SVIL: variants seen among roughly 807,000 people sequenced by gnomAD.
SVIL encodes the protein archvillin.
A neutral mutation model predicts 240.4 loss-of-function variants in SVIL; 101 were observed. The ratio of observed to expected loss-of-function variants is 0.42; its 90% CI spans 0.36 to 0.50. SVIL has a LOEUF of 0.50. Ranked by LOEUF, SVIL falls within the 20% of genes least tolerant of loss-of-function variation. The probability of loss-of-function intolerance (pLI) is 0.01; values close to 1 mark genes in which losing one functional copy is unlikely to be tolerated. For synonymous variants in SVIL, 999 were observed against 1,100.0 expected, an observed-to-expected ratio of 0.91 and a Z score of 1.82; for missense variants, 2,512 against 2,818.7, an observed-to-expected ratio of 0.89 and a Z score of 2.46.
At chr10:29,726,757 G>A (rs1044271254) in intron 1 of SVIL, among the ~76,000 whole-genome samples, 1 of 151,998 alleles carries the variant, frequency 6.6e-6, no homozygotes, top group South Asian at 2.1e-4. Flanking sequence ...AAAAAAAAAA[G>A]TGCTAATTAA....
In SVIL at chr10:29,463,534, C is replaced by T. The variant is rs146403956; in HGVS notation, c.6235G>A (p.Asp2079Asn). 2.5e-4 allele frequency: 410 copies of T among 1,613,936 alleles called. No homozygotes were observed. Among genetic ancestry groups the T allele is most frequent in the Non-Finnish European group, 2.9e-4 (345 of 1,180,030 alleles). ...TGSARIRWASDRKSAMETVLQ... is the reference protein window; with the variant it reads ...TGSARIRWASNRKSAMETVLQ... Reference sequence around the variant, plus strand: ...ACAGTCTCCATCGCACTCTTCCGGTCGGAGGCCCAGCGGATGCGGGCGGAA... The same window carrying T: ...ACAGTCTCCATCGCACTCTTCCGGTTGGAGGCCCAGCGGATGCGGGCGGAA... The change falls in exon 35 of 38, where the codon GAC (aspartate) becomes AAC (asparagine). Residue 2079 changes from aspartate to asparagine, a missense_variant. Coordinates refer to ENST00000355867, the MANE Select transcript of SVIL (RefSeq NM_021738.3).
At chr10:29,507,672 A>C (rs1949484912) in intron 17 of SVIL, 68 of 804,874 alleles carry the variant, frequency 8.4e-5, no homozygotes, top group Non-Finnish European at 1.0e-4. Flanking sequence ...CAAAATTAAA[A>C]CAGAAGTTCT....
At chr10:29,608,708 T>C (rs775600318) in intron 1 of SVIL, among the ~76,000 whole-genome samples, 2 of 152,190 alleles carry the variant, frequency 1.3e-5, no homozygotes, top group Non-Finnish European at 2.9e-5. Flanking sequence ...GCTGGGGGCA[T>C]TGAGGGCAGC....
intron 1 of SVIL, among the ~76,000 whole-genome samples, chr10:29,708,674 CA>C (rs1467097873): frequency 6.6e-6 from 1 of 151,942 alleles, no homozygotes; most frequent in Non-Finnish European, 1.5e-5. Flanking sequence ...TGAATATAAC[CA>C]TAAAACATGC....
intron 3 of SVIL, among the ~76,000 whole-genome samples, chr10:29,654,673 A>C (rs1958943350): frequency 6.6e-6 from 1 of 152,190 alleles, no homozygotes; most frequent in South Asian, 2.1e-4. Context: ...GGGGCTGAGA[A>C]GTCCCACAAC....
At chr10:29,728,452 A>C (rs751975034) in intron 1 of SVIL, among the ~76,000 whole-genome samples, 9 of 152,238 alleles carry the variant, frequency 5.9e-5, no homozygotes, top group Non-Finnish European at 1.3e-4. Flanking sequence ...CCTGTACATA[A>C]AAACTTTGAT....
intron 1 of SVIL, among the ~76,000 whole-genome samples, chr10:29,704,594 A>C (rs967755205): frequency 1.4e-4 from 21 of 152,134 alleles, no homozygotes; most frequent in Non-Finnish European, 2.5e-4. Context: ...AGGTCTCAAT[A>C]ATTTCTTCAC....
chr10:29,551,067 C>G lies in SVIL; in HGVS notation c.357G>C (p.Lys119Asn), dbSNP rs1564625178. ...CCTCGGGATCCAGAGTCAGCCCATA[C>G]TTCTCTGCCAGCTGTCGCCTTCTTT... ...KAERRRQLAEKYGLTLDPEAD... is the reference protein window; with the variant it reads ...KAERRRQLAENYGLTLDPEAD... The change falls in exon 6 of 38, where the codon AAG becomes AAC. Residue 119 changes from lysine (K) to asparagine (N), a missense_variant. By Grantham distance (94) the Lys-to-Asn change is moderately conservative. This residue lies in a region of SVIL where 1,443 missense variants were observed against 1,486.6 expected (regional missense o/e 0.97). Transcript: ENST00000355867. 1 of 1,614,192 alleles carries G rather than the reference C, an allele frequency of 6.2e-7. No homozygotes were observed. Among genetic ancestry groups the G allele is most frequent in the Non-Finnish European group, 8.5e-7 (1 of 1,180,036 alleles).
intron 3 of SVIL, among the ~76,000 whole-genome samples, chr10:29,558,185 T>A (rs1043036246): frequency 3.3e-5 from 5 of 152,072 alleles, no homozygotes; most frequent in African/African-American, 1.2e-4. Flanking sequence ...CTCTTTTCAG[T>A]CAAGCCTAGA....
At chr10:29,659,155 C>A (rs1959086603) in intron 2 of SVIL, among the ~76,000 whole-genome samples, 1 of 152,144 alleles carries the variant, frequency 6.6e-6, no homozygotes, top group South Asian at 2.1e-4. Context: ...GTTACAGAGT[C>A]ATTCTTTAGA....
intron 36 of SVIL, 92 bp from the exon 37 acceptor site, chr10:29,458,681 C>A: frequency 7.1e-7 from 1 of 1,405,758 alleles, no homozygotes; most frequent in South Asian, 1.4e-5. Context: ...CCTGTGCCAC[C>A]TGCATACTGC....
rs117386855 is a variant in SVIL, at chr10:29,663,663, C to T, written c.-300-5595G>A. Among the ~76,000 whole-genome samples the T allele has an allele frequency of 6.6e-3, 1,001 of 152,278 alleles. 8 individuals carry two copies. Among genetic ancestry groups the T allele is most frequent in the Middle Eastern group, 0.017 (5 of 294 alleles). ...GAGCCACCATGCCCTGGTTGAGAGA[C>T]GCCTATATTCCATATGGACTTTTCC... On this transcript the variant is annotated intron_variant, in intron 2 of 35. Coordinates refer to the SVIL transcript ENST00000375400.
intron 7 of SVIL, among the ~76,000 whole-genome samples, chr10:29,534,636 A>G (rs1951614830): frequency 6.6e-6 from 1 of 152,346 alleles, no homozygotes; most frequent in Middle Eastern, 3.4e-3. Flanking sequence ...AAACAAAGAA[A>G]CCAAGAGCTC....
chr10:29,480,819 G>C lies in SVIL; in HGVS notation c.5101-6C>G. On this transcript the variant is annotated splice_region_variant and splice_polypyrimidine_tract_variant and intron_variant, in intron 28 of 37. Coordinates refer to ENST00000355867, the MANE Select transcript of SVIL (RefSeq NM_021738.3). Reference sequence around the variant, plus strand: ...ACATCAGTCCTGGGGTCTTCCTACAGGGGAACACAAAGACATCAGTTCAGT... The same window carrying C: ...ACATCAGTCCTGGGGTCTTCCTACACGGGAACACAAAGACATCAGTTCAGT... 1 of 1,598,836 alleles carries C rather than the reference G, an allele frequency of 6.3e-7. No homozygotes were observed. Among genetic ancestry groups the C allele is most frequent in the Non-Finnish European group, 8.5e-7 (1 of 1,172,982 alleles).
At chr10:29,577,836 A>T (rs1245120843) in intron 1 of SVIL, among the ~76,000 whole-genome samples, 1 of 152,220 alleles carries the variant, frequency 6.6e-6, no homozygotes, top group Non-Finnish European at 1.5e-5. Flanking sequence ...TGTATCAAAA[A>T]ATAAAATAGT....
At chr10:29,501,900 A>G (rs372681808) in intron 17 of SVIL, among the ~76,000 whole-genome samples, 38 of 152,198 alleles carry the variant, frequency 2.5e-4, no homozygotes, top group African/African-American at 8.2e-4. Flanking sequence ...TCACTTAGTC[A>G]ACTCTGTGGT....
intron 2 of SVIL, among the ~76,000 whole-genome samples, chr10:29,564,284 G>C (rs1258522089): frequency 6.6e-6 from 1 of 152,180 alleles, no homozygotes; most frequent in African/African-American, 2.4e-5. Context: ...ACTCGTATTT[G>C]ACAAGAAGAG....
At chr10:29,593,443 C>CAG (rs1956466237) in intron 1 of SVIL, among the ~76,000 whole-genome samples, 1 of 152,192 alleles carries the variant, frequency 6.6e-6, no homozygotes, top group Non-Finnish European at 1.5e-5. Context: ...AGGAAGATTC[C>CAG]AGACCAAGGG....
intron 2 of SVIL, among the ~76,000 whole-genome samples, chr10:29,674,628 T>C (rs1235523129): frequency 6.6e-6 from 1 of 152,214 alleles, no homozygotes; most frequent in Non-Finnish European, 1.5e-5. Flanking sequence ...ATTTGGATTG[T>C]TTGCTATAGC....
Sources: gnomAD v4.1 joint callset for allele counts (sites outside exome capture counted in the v4.1 genomes callset) on GRCh38, gnomAD v4.1.1 for gene constraint, gnomAD v4.1.1 regional missense constraint, MANE v1.5 for transcripts, NCBI Gene and HGNC (gene_info 2026-07-23, HGNC 2026-07-21) for gene names.